Variants in MAPRE2 observed in about 807,000 individuals in gnomAD.
MAPRE2 encodes microtubule associated protein RP/EB family member 2, also known as microtubule-associated protein RP/EB family member 2.
A neutral mutation model predicts 43.2 loss-of-function variants in MAPRE2; 13 were observed. The observed-to-expected ratio is 0.30, with a 90% CI of 0.20 to 0.48. The LOEUF (loss-of-function observed/expected upper bound fraction) is 0.48, where lower values mean the gene tolerates loss of function less well. Ranked by LOEUF, MAPRE2 falls within the 20% of genes least tolerant of loss-of-function variation. The pLI, the probability that MAPRE2 is intolerant of heterozygous loss-of-function variation, is 0.99. For missense variants in MAPRE2, 161 were observed against 400.2 expected (o/e 0.40, Z 5.10); for synonymous variants, 135 against 148.8 (o/e 0.91, Z 0.68).
chr18:35,005,362 G>A (rs747830612), intron 1 of MAPRE2: 7 of 523,680 alleles, frequency 1.3e-5, no homozygotes, highest in Non-Finnish European at 2.4e-5. Context: ...TGGATATTTG[G>A]CGTGTATTTT....
intron 2 of MAPRE2, among the ~76,000 whole-genome samples, chr18:35,030,355 G>A (rs773498725): frequency 5.9e-5 from 9 of 152,092 alleles, no homozygotes; most frequent in Non-Finnish European, 1.0e-4. Context: ...TCTCATCCCT[G>A]CCACTCCCCA....
chr18:35,013,402 A>G (rs2097036043), intron 2 of MAPRE2, among the ~76,000 whole-genome samples: 1 of 152,214 alleles, frequency 6.6e-6, no homozygotes, highest in South Asian at 2.1e-4. Context: ...TTAATTGACA[A>G]ATAGTTCTTG....
chr18:35,093,311 G>A (rs1438785396), intron 2 of MAPRE2, among the ~76,000 whole-genome samples: 1 of 150,026 alleles, frequency 6.7e-6, no homozygotes, highest in Non-Finnish European at 1.5e-5. Flanking sequence ...CTCATACACT[G>A]TTGGTAGAAA....
chr18:35,038,869 T>C (rs1018693602), upstream of MAPRE2, among the ~76,000 whole-genome samples: 1 of 152,194 alleles, frequency 6.6e-6, no homozygotes, highest in Non-Finnish European at 1.5e-5. Context: ...TTTATAGTAG[T>C]GTGGCTCAGA....
chr18:35,116,315 T>C (rs1048971488), intron 4 of MAPRE2, among the ~76,000 whole-genome samples: 2 of 152,232 alleles, frequency 1.3e-5, no homozygotes, highest in Non-Finnish European at 2.9e-5. Flanking sequence ...TCAGTGTGGA[T>C]GTTGAGATAT....
chr18:35,051,406 G>C (rs755509043), intron 1 of MAPRE2, among the ~76,000 whole-genome samples: 17 of 152,128 alleles, frequency 1.1e-4, no homozygotes, highest in Non-Finnish European at 2.9e-5. Flanking sequence ...GATAAGTTTG[G>C]GTTTGGGAAG....
At chr18:35,056,423 C>CA (rs551844401) in intron 1 of MAPRE2, among the ~76,000 whole-genome samples, 37 of 151,676 alleles carry the variant, frequency 2.4e-4, no homozygotes, top group Non-Finnish European at 4.9e-4. Flanking sequence ...TTTGGAAAGC[C>CA]AAAAAAAGAA....
intron 1 of MAPRE2, among the ~76,000 whole-genome samples, chr18:34,981,741 C>A (rs139010260): frequency 6.6e-6 from 1 of 152,128 alleles, no homozygotes; most frequent in Non-Finnish European, 1.5e-5. Flanking sequence ...TTTATTGCAA[C>A]ATACAGGTTT....
At chr18:35,023,951 A>G (rs1165738851) in intron 2 of MAPRE2, among the ~76,000 whole-genome samples, 1 of 152,232 alleles carries the variant, frequency 6.6e-6, no homozygotes, top group Admixed American at 6.5e-5. Flanking sequence ...ATGTACCGTA[A>G]TAAGAATATG....
chr18:35,110,858 T>C (rs1024211111), intron 4 of MAPRE2, among the ~76,000 whole-genome samples: 1 of 152,212 alleles, frequency 6.6e-6, no homozygotes, highest in African/African-American at 2.4e-5. Flanking sequence ...AGTTTTTCTC[T>C]GAGTGCAGTC....
chr18:34,992,860 T>G (rs991912124), intron 1 of MAPRE2, among the ~76,000 whole-genome samples: 2 of 151,358 alleles, frequency 1.3e-5, no homozygotes, highest in Non-Finnish European at 2.9e-5. Context: ...CTCAGAAAAC[T>G]TCCTGAGCTC....
At chr18:35,126,906 T>C (rs1212847164) in intron 4 of MAPRE2, 42 bp from the exon 5 acceptor site, 6 of 1,589,140 alleles carry the variant, frequency 3.8e-6, no homozygotes, top group African/African-American at 1.3e-5. Context: ...AAACACACTT[T>C]TAATATTGCC....
Position 35,136,885 on chromosome 18 carries a change from G to A in MAPRE2, c.910-3410G>A, listed in dbSNP as rs368149364. On this transcript the variant is annotated intron_variant, in intron 6 of 6. Coordinates refer to ENST00000300249, the MANE Select transcript of MAPRE2 (RefSeq NM_014268.4). ...TTCTTACAATCACTCACAGCTCAAC[G>A]GAAAGATGTGAATAGATTGATACGC... Among the ~76,000 whole-genome samples the A allele has an allele frequency of 8.5e-4, 129 of 152,326 alleles. 1 individual carries two copies. The South Asian group carries it at 0.026, about 30-fold the overall frequency.
At chr18:35,000,741 G>A (rs1281663296) in intron 1 of MAPRE2, among the ~76,000 whole-genome samples, 2 of 152,170 alleles carry the variant, frequency 1.3e-5, no homozygotes, top group Admixed American at 1.3e-4. Flanking sequence ...GCTTATGGCT[G>A]CTCATTTCTG....
intron 2 of MAPRE2, among the ~76,000 whole-genome samples, chr18:35,092,196 A>C: frequency 6.6e-6 from 1 of 152,232 alleles, no homozygotes; most frequent in East Asian, 1.9e-4. Flanking sequence ...CCCCACCTCC[A>C]AAATTGGGGA....
At chr18:35,134,624 C>G (rs1386654848) in intron 6 of MAPRE2, among the ~76,000 whole-genome samples, 2 of 152,166 alleles carry the variant, frequency 1.3e-5, no homozygotes, top group Admixed American at 6.5e-5. Context: ...TTGGGGAAAG[C>G]CTCAAGATTA....
chr18:35,093,310 T>C (rs1908247403), intron 2 of MAPRE2, among the ~76,000 whole-genome samples: 1 of 150,118 alleles, frequency 6.7e-6, no homozygotes, highest in South Asian at 2.1e-4. Context: ...TCTCATACAC[T>C]GTTGGTAGAA....
chr18:35,045,658 T>C (rs1163449738), intron 1 of MAPRE2, among the ~76,000 whole-genome samples: 1 of 152,200 alleles, frequency 6.6e-6, no homozygotes, highest in East Asian at 1.9e-4. Flanking sequence ...GTGTGTTCCA[T>C]TCAATAGAGG....
At chr18:35,007,340 G>A (rs904776531) in intron 2 of MAPRE2, among the ~76,000 whole-genome samples, 1 of 152,140 alleles carries the variant, frequency 6.6e-6, no homozygotes, top group Non-Finnish European at 1.5e-5. Context: ...CTTCCAGGCT[G>A]GTGAAGAAAA....
Sources: allele counts gnomAD v4.1 joint callset (sites outside exome capture counted in the v4.1 genomes callset), GRCh38; gene constraint gnomAD v4.1.1; transcripts MANE v1.5; gene names NCBI Gene and HGNC (gene_info 2026-07-23, HGNC 2026-07-21).